Variants in OTOF observed in about 807,000 individuals in gnomAD.
The protein encoded by OTOF is fer-1-like family member 2.
Under a neutral mutation model 236.8 loss-of-function variants are expected in OTOF, and 218 were observed. That is an observed-to-expected ratio of 0.92 (90% CI 0.82 to 1.03). The LOEUF is 1.03. OTOF is among the 50% of genes least tolerant of loss of function. The pLI is 0.00. For synonymous variants in OTOF, 1,041 were observed against 1,072.5 expected, an observed-to-expected ratio of 0.97 and a Z score of 0.57; for missense variants, 2,590 against 2,694.4, an observed-to-expected ratio of 0.96 and a Z score of 0.86.
At chr2:26,521,055 A>T (rs1193708305) in intron 3 of OTOF, among the ~76,000 whole-genome samples, 1 of 152,142 alleles carries the variant, frequency 6.6e-6, no homozygotes. Context: ...TGAAGTCACC[A>T]AACTGGGTCC....
chr2:26,500,733 C>T (rs1666096726), intron 8 of OTOF, among the ~76,000 whole-genome samples: 1 of 152,184 alleles, frequency 6.6e-6, no homozygotes, highest in African/African-American at 2.4e-5. Context: ...CTGGAGAAAA[C>T]ATGGCCAGAT....
intron 2 of OTOF, among the ~76,000 whole-genome samples, chr2:26,531,389 GA>G (rs921081205): frequency 1.7e-4 from 26 of 152,264 alleles, no homozygotes; most frequent in African/African-American, 4.3e-4. Flanking sequence ...TCTGTGAAAA[GA>G]GGGGGGTGAC....
At chr2:26,506,374 T>G (rs559716608) in intron 5 of OTOF, among the ~76,000 whole-genome samples, 1 of 152,348 alleles carries the variant, frequency 6.6e-6, no homozygotes, top group East Asian at 1.9e-4. Context: ...CCTTTGCCAT[T>G]GCAGCCTGCT....
intron 33 of OTOF, among the ~76,000 whole-genome samples, chr2:26,467,719 T>A (rs929526911): frequency 6.6e-6 from 1 of 152,210 alleles, no homozygotes; most frequent in Non-Finnish European, 1.5e-5. Context: ...ACTGTCTTCA[T>A]GCCCTTTGGA....
At chr2:26,549,776 C>T (rs1667415311) in intron 1 of OTOF, among the ~76,000 whole-genome samples, 1 of 152,202 alleles carries the variant, frequency 6.6e-6, no homozygotes, top group Admixed American at 6.5e-5. Flanking sequence ...CAGGTCCTCA[C>T]TCAAACTCTG....
Position 26,470,752 on chromosome 2 carries a change from T to G in OTOF, c.3895-31A>C, listed in dbSNP as rs755212645. On this transcript the variant is annotated intron_variant, in intron 31 of 46. Coordinates refer to ENST00000272371, the MANE Select transcript of OTOF (RefSeq NM_194248.3). The surrounding 1 kb of genome is among the most constrained non-coding windows in gnomAD (Gnocchi z 4.3). ...GGTTGGCCAGGTCCAGAGTCCTACA[T>G]GGACTCCTCCTGCCTGGACAATCCC... The G allele has an allele frequency of 6.2e-7, 1 of 1,608,660 alleles. No homozygotes were observed. The highest frequency in any genetic ancestry group is 1.1e-5 in the South Asian group (1 of 90,926).
At chr2:26,495,900 T>G (rs1268995714) in intron 8 of OTOF, among the ~76,000 whole-genome samples, 1 of 152,228 alleles carries the variant, frequency 6.6e-6, no homozygotes, top group Non-Finnish European at 1.5e-5. Context: ...CTCCAGGAAT[T>G]CTCATGTAAG....
At chr2:26,480,753 C>A (rs1558489344) in intron 15 of OTOF, 33 bp downstream of exon 15, 1 of 1,568,976 alleles carries the variant, frequency 6.4e-7, no homozygotes, top group Non-Finnish European at 8.7e-7. Flanking sequence ...GAGCTGGAGG[C>A]CCTGGGGGAC....
Position 26,483,581 on chromosome 2 carries a change from G to C in OTOF, c.1273C>G (p.Arg425Gly). Residue 425 changes from arginine (R) to glycine (G), a missense_variant, in exon 13 of 47, where the codon CGA (arginine) becomes GGA (glycine). Physicochemically the swap from Arg to Gly is moderately radical, Grantham distance 125. Transcript: ENST00000272371. ...QWARFYVKIYRAEGLPRMNTS... is the reference protein window; with the variant it reads ...QWARFYVKIYGAEGLPRMNTS... ...TTCATACGGGGCAGCCCCTCTGCTCGGTAAATTTTCACATAGAACCGGGCC... is the reference window on the plus strand; with the variant it reads ...TTCATACGGGGCAGCCCCTCTGCTCCGTAAATTTTCACATAGAACCGGGCC... 6.2e-7 allele frequency: 1 copy of C among 1,613,820 alleles called. No homozygotes were observed. The highest frequency in any genetic ancestry group is 1.1e-5 in the South Asian group (1 of 91,072).
chr2:26,492,305 C>T (rs756640270), intron 9 of OTOF, among the ~76,000 whole-genome samples: 3 of 152,110 alleles, frequency 2.0e-5, no homozygotes, highest in African/African-American at 2.4e-5. Flanking sequence ...CAGCACAGGA[C>T]GATCCCACCA....
chr2:26,538,657 G>C (rs1365625339), intron 1 of OTOF, among the ~76,000 whole-genome samples: 2 of 152,180 alleles, frequency 1.3e-5, no homozygotes, highest in Non-Finnish European at 2.9e-5. Flanking sequence ...AGTTCACTTT[G>C]AGAAACAGCC....
intron 5 of OTOF, among the ~76,000 whole-genome samples, chr2:26,505,426 CACACACACAG>C (rs1194228668): frequency 2.0e-5 from 3 of 151,788 alleles, no homozygotes; most frequent in Non-Finnish European, 4.4e-5. Context: ...CACACACACA[CACACACACAG>C]ACACACACAC....
At chr2:26,526,860 C>T (rs534459459) in intron 3 of OTOF, among the ~76,000 whole-genome samples, 7 of 152,186 alleles carry the variant, frequency 4.6e-5, no homozygotes, top group African/African-American at 7.2e-5. Context: ...TAAGAGCAAC[C>T]GATTTTTTTT....
chr2:26,497,977 C>A (rs1477738647), intron 8 of OTOF, among the ~76,000 whole-genome samples: 1 of 152,222 alleles, frequency 6.6e-6, no homozygotes, highest in Non-Finnish European at 1.5e-5. Context: ...ACTAATGCCC[C>A]CACCAACAAT....
At chr2:26,555,863 C>A (rs1269562059) in intron 1 of OTOF, among the ~76,000 whole-genome samples, 1 of 152,182 alleles carries the variant, frequency 6.6e-6, no homozygotes, top group African/African-American at 2.4e-5. Flanking sequence ...ATACTCTTCC[C>A]ACAAACTCTT....
At chr2:26,541,290 C>T (rs11126563) in intron 1 of OTOF, among the ~76,000 whole-genome samples, 40,701 of 151,836 alleles carry the variant, frequency 0.27, 7,192 homozygotes, top group East Asian at 0.7. Context: ...AAGTAAAATA[C>T]GTGAAATCAG....
chr2:26,532,410 T>C (rs1292746576), intron 2 of OTOF, among the ~76,000 whole-genome samples: 1 of 152,140 alleles, frequency 6.6e-6, no homozygotes, highest in African/African-American at 2.4e-5. Flanking sequence ...AAGTAGCAGT[T>C]AAGCCAAACA....
intron 1 of OTOF, among the ~76,000 whole-genome samples, chr2:26,554,665 C>G (rs1667543407): frequency 6.6e-6 from 1 of 150,554 alleles, no homozygotes; most frequent in African/African-American, 2.5e-5. Flanking sequence ...TCATTCCAGG[C>G]AGAAGAAATA....
At chr2:26,558,138 G>T (rs1003788782) in intron 1 of OTOF, among the ~76,000 whole-genome samples, 1 of 151,870 alleles carries the variant, frequency 6.6e-6, no homozygotes, top group Non-Finnish European at 1.5e-5. Flanking sequence ...AAATCAACCT[G>T]CAGGAGAGGG....
Sources: allele counts gnomAD v4.1 joint callset (sites outside exome capture counted in the v4.1 genomes callset), GRCh38; gene constraint gnomAD v4.1.1; non-coding constraint Gnocchi (gnomAD v3.1); transcripts MANE v1.5; gene names NCBI Gene and HGNC (gene_info 2026-07-23, HGNC 2026-07-21).